PDCD6: variants seen among roughly 807,000 people sequenced by gnomAD.
The protein encoded by PDCD6 is programmed cell death 6, also known as programmed cell death protein 6.
In PDCD6, 12 loss-of-function variants were observed where a neutral mutation model predicts 28.3. The ratio of observed to expected loss-of-function variants is 0.42; its 90% CI spans 0.27 to 0.69. The LOEUF is 0.69. Among genes scored for constraint, PDCD6 ranks in the 30% least tolerant of loss-of-function variants. The probability of loss-of-function intolerance (pLI) is 0.22; values close to 1 mark genes in which losing one functional copy is unlikely to be tolerated. For missense variants in PDCD6, 226 were observed against 269.9 expected, an observed-to-expected ratio of 0.84 and a Z score of 1.14; for synonymous variants, 92 against 108.0, an observed-to-expected ratio of 0.85 and a Z score of 0.92.
intron 4 of PDCD6, chr5:310,882 T>C (rs1740869501): frequency 5.7e-6 from 1 of 175,764 alleles, no homozygotes; most frequent in Non-Finnish European, 1.2e-5. Context: ...TTCAGAATTT[T>C]CTTATCTAGG....
intron 2 of PDCD6, among the ~76,000 whole-genome samples, chr5:292,874 A>G (rs1261178899): frequency 6.6e-6 from 1 of 152,160 alleles, no homozygotes; most frequent in Non-Finnish European, 1.5e-5. Flanking sequence ...CACCTCTTGA[A>G]CAAGACTTGG....
At chr5:289,766 G>A (rs1739203689) in intron 2 of PDCD6, 2 of 954,256 alleles carry the variant, frequency 2.1e-6, no homozygotes, top group Non-Finnish European at 3.5e-6. Context: ...GTTGTCATGG[G>A]GGCTGACAAA....
chr5:296,353 A>G (rs1739609895), intron 2 of PDCD6, among the ~76,000 whole-genome samples: 1 of 151,568 alleles, frequency 6.6e-6, no homozygotes, highest in Non-Finnish European at 1.5e-5. Flanking sequence ...CTCTCTCGCC[A>G]CAGAGGGGTC....
chr5:300,716 T>G (rs1396709046), intron 2 of PDCD6, among the ~76,000 whole-genome samples: 3 of 152,184 alleles, frequency 2.0e-5, no homozygotes, highest in Non-Finnish European at 4.4e-5. Flanking sequence ...TTGGTTTCTG[T>G]GGAGAAGCCA....
In PDCD6 at chr5:288,926, A is replaced by G. The variant is rs1371577828; in HGVS notation, c.164-15251A>G. 36 of 1,579,640 alleles carry G rather than the reference A, an allele frequency of 2.3e-5. 1 individual carries two copies. Among genetic ancestry groups the G allele is most frequent in the South Asian group, 1.8e-4 (16 of 88,914 alleles). On this transcript the variant is annotated intron_variant, in intron 2 of 5. Coordinates refer to ENST00000264933, the MANE Select transcript of PDCD6 (RefSeq NM_013232.4). ...GAATCTCTCCAGTTTTACTGGAATTAGATCCTACTAATTCTTCTGTTTCAC... is the reference window on the plus strand; with the variant it reads ...GAATCTCTCCAGTTTTACTGGAATTGGATCCTACTAATTCTTCTGTTTCAC...
chr5:306,859 C>T, intron 4 of PDCD6, 99 bp downstream of exon 4: 2 of 1,246,724 alleles, frequency 1.6e-6, no homozygotes, highest in South Asian at 1.2e-5. Flanking sequence ...ATTGTCTAAC[C>T]AGGCTACGTA....
At chr5:312,983 G>A (rs543437676) in intron 5 of PDCD6, among the ~76,000 whole-genome samples, 2 of 152,302 alleles carry the variant, frequency 1.3e-5, no homozygotes, top group African/African-American at 2.4e-5. Flanking sequence ...GTGAGCTTTC[G>A]GTAGCTGGAG....
rs1740441818 is a variant in PDCD6, at chr5:305,801, GTGGAC to G, written c.209-798_209-794del. 1 of 152,276 alleles carries G rather than the reference GTGGAC, an allele frequency of 6.6e-6. No individual in the cohort carries two copies. Among genetic ancestry groups the G allele is most frequent in the Non-Finnish European group, 1.5e-5 (1 of 68,080 alleles). The allele number at this position is 152,276 out of a possible 1,614,324, so 9.4% of individuals were successfully genotyped here. ...ACAGCCACTGGTTGCACACAGGGTT[GTGGAC>G]TGTTGGGAAGAAACATCGATGCTGT... On this transcript the variant is annotated intron_variant, in intron 3 of 5. Transcript: ENST00000264933. This position sits in a 1 kb window ranked among gnomAD's most constrained non-coding sequence, Gnocchi z 4.0.
intron 2 of PDCD6, among the ~76,000 whole-genome samples, 161 bp from the exon 3 acceptor site, chr5:304,016 T>G (rs977836752): frequency 1.1e-4 from 16 of 150,506 alleles, no homozygotes; most frequent in Admixed American, 3.3e-4. Context: ...TTTGGCCCCC[T>G]CCCAGGAGTC....
intron 2 of PDCD6, among the ~76,000 whole-genome samples, chr5:298,726 ACCCAG>A (rs1739784668): frequency 2.3e-4 from 2 of 8,686 alleles, no homozygotes; most frequent in East Asian, 1.3e-3. Flanking sequence ...AGCTGCTCCC[ACCCAG>A]CTGCTCCCCC....
intron 2 of PDCD6, among the ~76,000 whole-genome samples, chr5:294,015 G>A (rs933512527): frequency 6.8e-6 from 1 of 148,106 alleles, no homozygotes; most frequent in Non-Finnish European, 1.5e-5. Context: ...TGTCAGAGAC[G>A]GAGAAAGGTA....
intron 2 of PDCD6, among the ~76,000 whole-genome samples, chr5:302,191 C>CTG (rs70955230): frequency 0.048 from 4,201 of 88,002 alleles, 216 homozygotes; most frequent in Middle Eastern, 0.078. Flanking sequence ...TGGAGTGCTG[C>CTG]TGTGTGTGTG....
intron 4 of PDCD6, chr5:309,567 G>GTCCCCGTGTACCCCAGTGATGGCCGCCA (rs1553971954): frequency 0.011 from 2,554 of 240,786 alleles, 173 homozygotes; most frequent in African/African-American, 0.013. Context: ...AATGACCTCT[G>GTCCCCGTGTACCCCAGTGATGGCCGCCA]TCCCCGTGCA....
chr5:312,173 C>T (rs1028065374), intron 5 of PDCD6: 2 of 152,214 alleles, frequency 1.3e-5, no homozygotes, highest in African/African-American at 4.8e-5. Context: ...GGTAATGCAC[C>T]CTGACCTGCA....
Position 271,773 on chromosome 5 carries a change from C to G in PDCD6, c.53C>G (p.Ala18Gly). 1 of 1,491,984 alleles carries G rather than the reference C, an allele frequency of 6.7e-7. No individual in the cohort carries two copies. The highest frequency in any genetic ancestry group is 8.9e-7 in the Non-Finnish European group (1 of 1,127,088). 92.4% of individuals were successfully genotyped at this position (1,491,984 alleles called of 1,614,324 possible). The change falls in exon 1 of 6, where the codon GCA becomes GGA. Residue 18 changes from alanine to glycine, a missense_variant. Around this residue, in one of 3 missense-constraint regions of PDCD6, gnomAD observed 72 missense variants for 71.4 expected, o/e 1.01. Transcript: ENST00000264933. ...CCTGGGGCCGGCCCTGGGCCTGCTG[C>G]AGGCGCGGCGCTGCCGGACCAGAGC... Reference protein sequence around the residue: ...PGPGAGPGPAAGAALPDQSFL... With the variant: ...PGPGAGPGPAGGAALPDQSFL...
chr5:276,704 G>A, intron 2 of PDCD6: 1 of 983,380 alleles, frequency 1.0e-6, no homozygotes, highest in Non-Finnish European at 1.2e-6. Flanking sequence ...TAGAAAAACT[G>A]AAGCTACAAA....
intron 2 of PDCD6, among the ~76,000 whole-genome samples, chr5:297,557 C>G (rs1739696763): frequency 6.6e-6 from 1 of 152,184 alleles, no homozygotes; most frequent in African/African-American, 2.4e-5. Context: ...GAGACTTGAC[C>G]TGAGCAAACA....
intron 4 of PDCD6, chr5:309,091 G>A (rs1740724960): frequency 6.6e-6 from 1 of 152,384 alleles, no homozygotes. Flanking sequence ...AGGCCCCCAA[G>A]AGCTGGGGGG....
chr5:294,346 CTT>C (rs1191486401), intron 2 of PDCD6, among the ~76,000 whole-genome samples: 2 of 149,650 alleles, frequency 1.3e-5, no homozygotes, highest in African/African-American at 5.1e-5. Context: ...ACCATCAAAA[CTT>C]AACCATAAGA....
Sources: gnomAD v4.1 joint callset for allele counts (sites outside exome capture counted in the v4.1 genomes callset) on GRCh38, gnomAD v4.1.1 for gene constraint, gnomAD v4.1.1 regional missense constraint, Gnocchi (gnomAD v3.1) non-coding constraint, MANE v1.5 for transcripts, NCBI Gene and HGNC (gene_info 2026-07-23, HGNC 2026-07-21) for gene names.